RUNDC3B: variants seen among roughly 807,000 people sequenced by gnomAD.
RUNDC3B encodes RUN domain-containing protein 3B.
A neutral mutation model predicts 58.4 loss-of-function variants in RUNDC3B; 33 were observed. The observed-to-expected ratio is 0.56, with a 90% confidence interval of 0.43 to 0.75. The LOEUF is 0.75. Ranked by LOEUF, RUNDC3B falls within the 30% of genes least tolerant of loss-of-function variation. The probability of loss-of-function intolerance (pLI) is 0.00; values close to 1 mark genes in which losing one functional copy is unlikely to be tolerated. For synonymous variants in RUNDC3B, 193 were observed against 195.2 expected (o/e 0.99, Z 0.10); for missense variants, 501 against 535.7 (o/e 0.94, Z 0.64).
chr7:87,750,535 C>G (rs1484603852), intron 6 of RUNDC3B, among the ~76,000 whole-genome samples: 2 of 152,168 alleles, frequency 1.3e-5, no homozygotes, highest in African/African-American at 4.8e-5. Flanking sequence ...TCCTCTCCAG[C>G]GCCTGTTGTT....
At chr7:87,821,098 T>C (rs1329081085) in intron 10 of RUNDC3B, among the ~76,000 whole-genome samples, 8 of 150,924 alleles carry the variant, frequency 5.3e-5, no homozygotes, top group African/African-American at 2.0e-4. Flanking sequence ...GGAAGTCAAA[T>C]TGTCCCTGTT....
At chr7:87,762,934 A>G (rs1471089642) in intron 6 of RUNDC3B, among the ~76,000 whole-genome samples, 1 of 151,432 alleles carries the variant, frequency 6.6e-6, no homozygotes, top group Admixed American at 6.6e-5. Context: ...TAAGATATTT[A>G]CTGATATATT....
At chr7:87,715,519 TATATATAACATTTA>T (rs1767916223) in intron 4 of RUNDC3B, among the ~76,000 whole-genome samples, 1 of 122,618 alleles carries the variant, frequency 8.2e-6, no homozygotes, top group Non-Finnish European at 1.6e-5. Flanking sequence ...TAATTAATTA[TATATATAACATTTA>T]ATATATAATA....
intron 8 of RUNDC3B, among the ~76,000 whole-genome samples, chr7:87,790,570 GA>G (rs1473725138): frequency 1.3e-5 from 2 of 152,082 alleles, no homozygotes; most frequent in African/African-American, 4.8e-5. Context: ...CTGTTTTGAG[GA>G]AACTAAAAGA....
At chr7:87,752,469 C>T (rs888784780) in intron 6 of RUNDC3B, among the ~76,000 whole-genome samples, 5 of 152,060 alleles carry the variant, frequency 3.3e-5, no homozygotes, top group Middle Eastern at 3.2e-3. Flanking sequence ...CCTCCATGTA[C>T]CTCTGGTAGA....
rs1379172324 is a variant in RUNDC3B at position 87,832,273 on chromosome 7, G to T, written c.*2243G>T. The T allele has an allele frequency of 6.6e-6, 1 of 151,914 alleles. No individual in the cohort carries two copies. Among genetic ancestry groups the T allele is most frequent in the Non-Finnish European group, 1.5e-5 (1 of 67,912 alleles). The allele number at this position is 151,914 out of a possible 1,614,324, so 9.4% of individuals were successfully genotyped here. ...TTGATGCGTACTATACTTGTTGCAT[G>T]TATATTAAAAATTTTGTACTATGCA... is the stretch of plus-strand genomic sequence containing the variant. On this transcript the variant is annotated 3_prime_UTR_variant, in exon 11 of 11. Transcript: ENST00000394654.
At chr7:87,703,915 T>TTTTTTTTTTTTTTG (rs1829352564) in intron 3 of RUNDC3B, among the ~76,000 whole-genome samples, 3 of 18,526 alleles carry the variant, frequency 1.6e-4, no homozygotes, top group Admixed American at 6.7e-4. Context: ...TTTTTTTTGG[T>TTTTTTTTTTTTTTG]TTTTTTTTTT....
At chr7:87,701,356 T>G (rs957120293) in intron 3 of RUNDC3B, among the ~76,000 whole-genome samples, 1 of 152,222 alleles carries the variant, frequency 6.6e-6, no homozygotes, top group Non-Finnish European at 1.5e-5. Flanking sequence ...AAGTAAAAAC[T>G]AGAATTTTAG....
intron 6 of RUNDC3B, among the ~76,000 whole-genome samples, chr7:87,767,665 G>T (rs1233738442): frequency 8.5e-5 from 13 of 152,166 alleles, no homozygotes; most frequent in African/African-American, 2.9e-4. Context: ...TTGCACTTCA[G>T]AGTAAGAGCC....
chr7:87,807,402 C>G lies in RUNDC3B; in HGVS notation c.986C>G (p.Ser329Trp). 1 of 1,613,682 alleles carries G rather than the reference C, an allele frequency of 6.2e-7. No homozygotes were observed. The highest frequency in any genetic ancestry group is 8.5e-7 in the Non-Finnish European group (1 of 1,179,704). The part of the protein sequence containing the change: ...LTVLKNNDLR[S>W]RQELTAHLTN... ...GTGCTAAAGAATAATGATTTAAGAT[C>G]GAGACAAGAGTTAACTGCCCATCTC... The change falls in exon 9 of 11, where the codon TCG (serine) becomes TGG (tryptophan). Residue 329 changes from serine (S) to tryptophan (W), a missense_variant. Physicochemically the swap from Ser to Trp is radical, Grantham distance 177. Coordinates refer to ENST00000394654, the MANE Select transcript of RUNDC3B (RefSeq NM_001134405.2).
intron 7 of RUNDC3B, among the ~76,000 whole-genome samples, chr7:87,774,518 A>C (rs989124185): frequency 1.3e-5 from 2 of 152,278 alleles, no homozygotes; most frequent in South Asian, 4.1e-4. Flanking sequence ...TAATCTTAAG[A>C]ATGGAAGAAT....
intron 6 of RUNDC3B, among the ~76,000 whole-genome samples, chr7:87,741,904 G>A (rs1241575327): frequency 6.6e-6 from 1 of 151,996 alleles, no homozygotes; most frequent in Admixed American, 6.6e-5. Context: ...CTATAATTCA[G>A]TATTTAGATT....
chr7:87,684,094 T>C (rs1325933300), intron 2 of RUNDC3B, among the ~76,000 whole-genome samples: 1 of 152,136 alleles, frequency 6.6e-6, no homozygotes, highest in Non-Finnish European at 1.5e-5. Context: ...TCAACTTTAA[T>C]TCATGTTAAA....
At chr7:87,652,979 T>A (rs1478218038) in intron 2 of RUNDC3B, among the ~76,000 whole-genome samples, 1 of 151,950 alleles carries the variant, frequency 6.6e-6, no homozygotes, top group African/African-American at 2.4e-5. Context: ...CAGAGAGAGA[T>A]AAAATCTCCC....
At chr7:87,741,448 G>T in intron 5 of RUNDC3B, 51 bp from the exon 6 acceptor site, 2 of 1,025,900 alleles carry the variant, frequency 1.9e-6, no homozygotes, top group South Asian at 1.8e-5. Context: ...ACTTAACTTT[G>T]ATTTAAAATT....
At chr7:87,821,125 GTA>G in intron 10 of RUNDC3B, among the ~76,000 whole-genome samples, 1 of 151,494 alleles carries the variant, frequency 6.6e-6, no homozygotes, top group East Asian at 1.9e-4. Context: ...TGACATGATT[GTA>G]TATCTAGAAA....
At chr7:87,648,246 A>G (rs980189756) in intron 1 of RUNDC3B, among the ~76,000 whole-genome samples, 15 of 152,014 alleles carry the variant, frequency 9.9e-5, no homozygotes, top group Admixed American at 7.2e-4. Context: ...TGAGATTTGC[A>G]TGAATATAAA....
At chr7:87,667,055 CA>C in intron 2 of RUNDC3B, among the ~76,000 whole-genome samples, 1 of 152,278 alleles carries the variant, frequency 6.6e-6, no homozygotes, top group Middle Eastern at 3.4e-3. Context: ...ATAGGAATAG[CA>C]TTGAATCTAT....
rs996161901 is a variant in RUNDC3B, at chr7:87,656,205, C to G, written c.238+5268C>G. On this transcript the variant is annotated intron_variant, in intron 2 of 10. Coordinates refer to ENST00000394654, the MANE Select transcript of RUNDC3B (RefSeq NM_001134405.2). ...CAATTTAGCCATTCCATGATATATA[C>G]AAATTTCAAAACATGTATATCATAT... Among the ~76,000 whole-genome samples the G allele has an allele frequency of 2.6e-5, 4 of 151,950 alleles. No individual in the cohort carries two copies. In the East Asian group the frequency reaches 7.7e-4, roughly 29 times the overall value.
Sources: gnomAD v4.1 joint callset for allele counts (sites outside exome capture counted in the v4.1 genomes callset) on GRCh38, gnomAD v4.1.1 for gene constraint, MANE v1.5 for transcripts, NCBI Gene and HGNC (gene_info 2026-07-23, HGNC 2026-07-21) for gene names.